The following CKAP5 variants were observed in gnomAD, a reference collection of about 807,000 sequenced individuals.
CKAP5 encodes cytoskeleton associated protein 5, also known as cytoskeleton-associated protein 5.
A neutral mutation model predicts 232.8 loss-of-function variants in CKAP5; 27 were observed. That is an observed-to-expected ratio of 0.12 (90% confidence interval 0.09 to 0.16). The LOEUF (loss-of-function observed/expected upper bound fraction) is 0.16. Among genes scored for constraint, CKAP5 ranks in the 10% least tolerant of loss-of-function variants. The pLI is 1.00. For synonymous variants in CKAP5, 785 were observed against 841.1 expected (o/e 0.93, Z 1.16); for missense variants, 1,838 against 2,424.7 (o/e 0.76, Z 5.08).
intron 34 of CKAP5, 78 bp from the exon 35 acceptor site, chr11:46,759,121 C>A: frequency 6.4e-7 from 1 of 1,558,640 alleles, no homozygotes; most frequent in East Asian, 2.3e-5. Context: ...CAATTCTCCA[C>A]TAGGTCCAGG....
intron 1 of CKAP5, among the ~76,000 whole-genome samples, chr11:46,832,753 C>T (rs1226575807): frequency 6.6e-6 from 1 of 152,116 alleles, no homozygotes; most frequent in Non-Finnish European, 1.5e-5. Context: ...CTCATCTAAT[C>T]ATTGTTGTAA....
intron 1 of CKAP5, among the ~76,000 whole-genome samples, chr11:46,822,149 T>C (rs982357035): frequency 6.6e-6 from 1 of 151,888 alleles, no homozygotes; most frequent in Non-Finnish European, 1.5e-5. Flanking sequence ...CGTAGTGGTG[T>C]GTGTGCCTGT....
chr11:46,775,548 A>G (rs1440328778), intron 24 of CKAP5, among the ~76,000 whole-genome samples: 1 of 152,242 alleles, frequency 6.6e-6, no homozygotes, highest in Non-Finnish European at 1.5e-5. Flanking sequence ...CACTATTCAC[A>G]ATAGCAAAGA....
At position 46,801,152 on chromosome 11, in the gene CKAP5, T is replaced by C. The variant is rs567081216; in HGVS notation, c.1083+48A>G. ...AGCAAACAGCAAACTAGGCCTACCATTTTTGATAAATTTTGTTGATCTGTA... is the reference window on the plus strand; with the variant it reads ...AGCAAACAGCAAACTAGGCCTACCACTTTTGATAAATTTTGTTGATCTGTA... On this transcript the variant is annotated intron_variant, in intron 9 of 43. Coordinates refer to ENST00000529230, the MANE Select transcript of CKAP5 (RefSeq NM_001008938.4). 7 of 1,384,500 alleles carry C rather than the reference T, an allele frequency of 5.1e-6. 1 individual carries two copies. The East Asian group carries it at 6.9e-5, about 14-fold the overall frequency. 85.8% of individuals were successfully genotyped at this position (1,384,500 alleles called of 1,614,324 possible).
Position 46,767,683 on chromosome 11 carries a change from T to C in CKAP5, c.3323-20A>G, listed in dbSNP as rs1401193584. ...CAGGTGCTTTGAGGAAAAAAATATA[T>C]ATATACTATAAACTTTAACTAATAT... On this transcript the variant is annotated intron_variant, in intron 26 of 43. Coordinates refer to ENST00000529230, the MANE Select transcript of CKAP5 (RefSeq NM_001008938.4). 1 of 1,472,234 alleles carries C rather than the reference T, an allele frequency of 6.8e-7. No homozygotes were observed. The highest frequency in any genetic ancestry group is 2.3e-5 in the East Asian group (1 of 43,316). The allele number at this position is 1,472,234 out of a possible 1,614,324, so 91.2% of individuals were successfully genotyped here.
At chr11:46,752,183 TATATATATATACACACACAC>T (rs1461179032) in intron 38 of CKAP5, among the ~76,000 whole-genome samples, 3 of 65,660 alleles carry the variant, frequency 4.6e-5, no homozygotes, top group African/African-American at 1.4e-4. Flanking sequence ...TATATATATA[TATATATATATACACACACAC>T]ACACACACAC....
chr11:46,831,549 G>A (rs1278953570), intron 1 of CKAP5, among the ~76,000 whole-genome samples: 1 of 152,084 alleles, frequency 6.6e-6, no homozygotes, highest in Non-Finnish European at 1.5e-5. Context: ...TGTTTTTTGA[G>A]ACAGGGTATT....
intron 24 of CKAP5, among the ~76,000 whole-genome samples, chr11:46,773,780 G>C (rs576309190): frequency 1.3e-5 from 2 of 150,660 alleles, no homozygotes; most frequent in East Asian, 2.0e-4. Context: ...CTGATCTCAA[G>C]TGATCTGCTT....
chr11:46,777,425 AGAG>A lies in CKAP5; in HGVS notation c.2862+11_2862+13del, dbSNP rs1216205591. On this transcript the variant is annotated intron_variant, in intron 23 of 43. Transcript: ENST00000529230. The stretch of plus-strand genomic sequence containing the variant: ...ATTCCAGAATGGAGGCATGGTGAAA[AGAG>A]TTAGGTTTACCTTGCTGTCTCCAAG... The A allele has an allele frequency of 2.0e-6, 3 of 1,511,420 alleles. No individual in the cohort carries two copies. The highest frequency in any genetic ancestry group is 1.7e-5 in the Admixed American group (1 of 59,588). 93.6% of individuals were successfully genotyped at this position (1,511,420 alleles called of 1,614,324 possible).
intron 1 of CKAP5, among the ~76,000 whole-genome samples, chr11:46,845,765 C>A (rs1940173844): frequency 6.6e-6 from 1 of 152,242 alleles, no homozygotes; most frequent in Non-Finnish European, 1.5e-5. Flanking sequence ...CCCGGTGCCG[C>A]TGTCCTTGCT....
chr11:46,821,712 C>T (rs1247950096), intron 1 of CKAP5, among the ~76,000 whole-genome samples: 4 of 151,906 alleles, frequency 2.6e-5, no homozygotes, highest in Admixed American at 1.3e-4. Flanking sequence ...CGTGAGCCAC[C>T]GCGCCCGGCC....
chr11:46,786,518 A>C (rs530636325), intron 16 of CKAP5, among the ~76,000 whole-genome samples: 1 of 152,358 alleles, frequency 6.6e-6, no homozygotes, highest in East Asian at 1.9e-4. Flanking sequence ...TTTTGTTGAA[A>C]ACAACGAAAA....
intron 3 of CKAP5, 73 bp from the exon 4 acceptor site, chr11:46,816,477 G>A: frequency 3.8e-6 from 4 of 1,064,596 alleles, no homozygotes; most frequent in Non-Finnish European, 5.7e-6. Context: ...GAAAGGGGGT[G>A]TACTAGTACT....
At chr11:46,791,636 T>A (rs935044946) in intron 13 of CKAP5, among the ~76,000 whole-genome samples, 1 of 152,152 alleles carries the variant, frequency 6.6e-6, no homozygotes, top group Admixed American at 6.6e-5. Context: ...ATCATGTCAC[T>A]ATACTCTGGC....
chr11:46,815,334 C>T (rs1269498943), intron 4 of CKAP5, among the ~76,000 whole-genome samples: 1 of 152,092 alleles, frequency 6.6e-6, no homozygotes, highest in Non-Finnish European at 1.5e-5. Flanking sequence ...AGGAGTGAGC[C>T]ACTGAGCCTG....
Position 46,778,538 on chromosome 11 carries a change from G to A in CKAP5, c.2495C>T (p.Thr832Ile), listed in dbSNP as rs776386937. The change falls in exon 21 of 44, where the codon ACA becomes ATA. Residue 832 changes from threonine (T) to isoleucine (I), a missense_variant. By Grantham distance (89) the Thr-to-Ile change is moderately conservative (BLOSUM62 -1). Around this residue, in one of 6 missense-constraint regions of CKAP5, gnomAD observed 767 missense variants for 954.6 expected, o/e 0.80. Transcript: ENST00000529230. ...TTCATCTCCATCTTCTCCTTCATCTGTACCACTTGTGCTATGCTTGGAAAT... is the reference window on the plus strand; with the variant it reads ...TTCATCTCCATCTTCTCCTTCATCTATACCACTTGTGCTATGCTTGGAAAT... The part of the protein sequence containing the change: ...RGISKHSTSG[T>I]DEGEDGDEPD... 2 of 1,614,060 alleles carry A rather than the reference G, an allele frequency of 1.2e-6. No individual in the cohort carries two copies. The highest frequency in any genetic ancestry group is 2.2e-5 in the South Asian group (2 of 91,092).
intron 1 of CKAP5, among the ~76,000 whole-genome samples, chr11:46,834,519 C>CAAAA (rs35792132): frequency 3.7e-5 from 2 of 53,568 alleles, no homozygotes; most frequent in African/African-American, 1.5e-4. Flanking sequence ...AACTCCATCT[C>CAAAA]AAAAAAAAAA....
Position 46,798,125 on chromosome 11 carries a change from C to G in CKAP5, c.1131G>C (p.Val377=). 2 of 1,614,100 alleles carry G rather than the reference C, an allele frequency of 1.2e-6. No homozygotes were observed. The highest frequency in any genetic ancestry group is 1.7e-6 in the Non-Finnish European group (2 of 1,180,000). ...LEKFKEKKPQ[V]VQALQEAIDA... is the part of the protein sequence containing the mutation. ...CAATTGCCTCCTGCAGGGCTTGTACCACTTGAGGTTTCTTCTCTTTGAATT... is the reference window on the plus strand; with the variant it reads ...CAATTGCCTCCTGCAGGGCTTGTACGACTTGAGGTTTCTTCTCTTTGAATT... Residue 377 remains valine (V), a synonymous_variant, in exon 10 of 44, where the codon GTG becomes GTC. Transcript: ENST00000529230.
intron 24 of CKAP5, among the ~76,000 whole-genome samples, chr11:46,773,163 T>C (rs1304695831): frequency 6.6e-6 from 1 of 152,252 alleles, no homozygotes; most frequent in Non-Finnish European, 1.5e-5. Flanking sequence ...ATGTTGGATA[T>C]GTCAAATGCC....
Sources: gnomAD v4.1 joint callset for allele counts (sites outside exome capture counted in the v4.1 genomes callset) on GRCh38, gnomAD v4.1.1 for gene constraint, gnomAD v4.1.1 regional missense constraint, MANE v1.5 for transcripts, NCBI Gene and HGNC (gene_info 2026-07-23, HGNC 2026-07-21) for gene names.